Variants in ERC2 observed in about 807,000 individuals in gnomAD.
ERC2 encodes ELKS/RAB6-interacting/CAST family member 2.
In ERC2, 42 loss-of-function variants were observed where a neutral mutation model predicts 114.8. That is an observed-to-expected ratio of 0.37 (90% confidence interval 0.29 to 0.47). The LOEUF is 0.47. Ranked by LOEUF, ERC2 falls within the 20% of genes least tolerant of loss-of-function variation. The pLI is 0.99. For synonymous variants in ERC2, 454 were observed against 425.5 expected (o/e 1.07, Z -0.82); for missense variants, 939 against 1,150.7 (o/e 0.82, Z 2.66).
intron 2 of ERC2, among the ~76,000 whole-genome samples, chr3:56,381,325 G>T (rs1560712792): frequency 6.6e-6 from 1 of 152,120 alleles, no homozygotes; most frequent in Non-Finnish European, 1.5e-5. Flanking sequence ...TAGGGGATTG[G>T]TTCCAAGACC....
chr3:55,805,058 C>A (rs1051143720), intron 14 of ERC2, among the ~76,000 whole-genome samples: 1 of 151,984 alleles, frequency 6.6e-6, no homozygotes, highest in Admixed American at 6.6e-5. Context: ...TTTTTATTCT[C>A]ACTTTATAGG....
intron 3 of ERC2, among the ~76,000 whole-genome samples, chr3:56,272,949 A>G (rs2053752062): frequency 6.6e-6 from 1 of 152,236 alleles, no homozygotes; most frequent in African/African-American, 2.4e-5. Context: ...TCTCACGTAT[A>G]AAAGGGGTAA....
intron 2 of ERC2, among the ~76,000 whole-genome samples, chr3:56,300,748 C>T (rs181188752): frequency 9.8e-4 from 150 of 152,292 alleles, no homozygotes; most frequent in African/African-American, 3.2e-3. Context: ...GTAACCTGCT[C>T]CCAGTCACCC....
intron 17 of ERC2, among the ~76,000 whole-genome samples, chr3:55,557,223 G>A (rs1372072390): frequency 6.6e-6 from 1 of 152,156 alleles, no homozygotes; most frequent in Non-Finnish European, 1.5e-5. Context: ...AATTTGGGGT[G>A]GAAAGTGGCA....
chr3:56,277,683 G>A (rs182615940), intron 3 of ERC2, among the ~76,000 whole-genome samples: 37 of 149,762 alleles, frequency 2.5e-4, no homozygotes, highest in Admixed American at 5.4e-4. Flanking sequence ...CAGGATTTCC[G>A]TTCACCCATA....
chr3:55,718,466 C>T (rs1055166572), intron 15 of ERC2, among the ~76,000 whole-genome samples: 2 of 152,312 alleles, frequency 1.3e-5, no homozygotes, highest in South Asian at 2.1e-4. Flanking sequence ...CAAGATAAAA[C>T]TGTTTGGCAG....
At chr3:56,013,528 C>T (rs570790215) in intron 8 of ERC2, among the ~76,000 whole-genome samples, 24 of 152,252 alleles carry the variant, frequency 1.6e-4, no homozygotes, top group African/African-American at 4.8e-4. Context: ...AAAGTCTCAA[C>T]GAAGGACCAG....
At chr3:56,179,456 T>C (rs1485069208) in intron 3 of ERC2, among the ~76,000 whole-genome samples, 1 of 152,134 alleles carries the variant, frequency 6.6e-6, no homozygotes, top group Non-Finnish European at 1.5e-5. Flanking sequence ...CCCAATGTTG[T>C]ATTGCAGCAT....
At chr3:55,561,357 C>T (rs184790669) in intron 17 of ERC2, among the ~76,000 whole-genome samples, 42 of 152,206 alleles carry the variant, frequency 2.8e-4, no homozygotes, top group Non-Finnish European at 5.3e-4. Flanking sequence ...TGGAAGCCCA[C>T]AGAAACCCCT....
intron 17 of ERC2, among the ~76,000 whole-genome samples, chr3:55,676,446 T>TATC (rs2061817319): frequency 6.8e-6 from 1 of 147,108 alleles, no homozygotes; most frequent in Admixed American, 6.8e-5. Flanking sequence ...AGCTGCTTAT[T>TATC]ATTATTATTA....
chr3:55,733,117 CTGTGGG>C (rs1330704692), intron 15 of ERC2, among the ~76,000 whole-genome samples: 1 of 152,110 alleles, frequency 6.6e-6, no homozygotes, highest in African/African-American at 2.4e-5. Context: ...GTCTATAAAC[CTGTGGG>C]AGAAAGCTAC....
At chr3:55,616,706 A>C (rs2059134368) in intron 17 of ERC2, among the ~76,000 whole-genome samples, 1 of 151,502 alleles carries the variant, frequency 6.6e-6, no homozygotes, top group Non-Finnish European at 1.5e-5. Context: ...ACAAACTAGC[A>C]TGGTAGGGAC....
rs555104246 is a variant in ERC2, at chr3:55,703,859, A to C, written c.2713-4347T>G. Among the ~76,000 whole-genome samples, 3 of 152,332 alleles carry C rather than the reference A, an allele frequency of 2.0e-5. No individual in the cohort carries two copies. In the South Asian group the frequency reaches 6.2e-4, roughly 32 times the overall value. Reference sequence around the variant, plus strand: ...GGAGTGGCGAAGGAAGAGTATGTGCATAGCTTTGGAGCTGTTAGGCAAGTC... The same window carrying C: ...GGAGTGGCGAAGGAAGAGTATGTGCCTAGCTTTGGAGCTGTTAGGCAAGTC... On this transcript the variant is annotated intron_variant, in intron 15 of 17. Transcript: ENST00000288221.
intron 4 of ERC2, among the ~76,000 whole-genome samples, chr3:56,171,111 T>A (rs13091032): frequency 6.6e-6 from 1 of 152,112 alleles, no homozygotes; most frequent in Non-Finnish European, 1.5e-5. Context: ...CTAGATGACA[T>A]TGATGTTTAC....
chr3:55,846,238 A>T (rs1385748251), intron 14 of ERC2, among the ~76,000 whole-genome samples: 1 of 152,208 alleles, frequency 6.6e-6, no homozygotes, highest in East Asian at 1.9e-4. Context: ...ATAAATGAGA[A>T]CATATGGTAT....
intron 15 of ERC2, among the ~76,000 whole-genome samples, chr3:55,706,754 T>C (rs1029652569): frequency 2.6e-5 from 4 of 152,146 alleles, no homozygotes; most frequent in South Asian, 2.1e-4. Context: ...ACCCTAATCA[T>C]AGTTGAATAA....
chr3:56,370,199 G>T (rs575394042), intron 2 of ERC2, among the ~76,000 whole-genome samples: 1 of 152,324 alleles, frequency 6.6e-6, no homozygotes, highest in South Asian at 2.1e-4. Flanking sequence ...AATCAGAGCA[G>T]TGTTCCCAAT....
At chr3:55,529,549 C>T (rs2053543421) in intron 17 of ERC2, among the ~76,000 whole-genome samples, 1 of 152,166 alleles carries the variant, frequency 6.6e-6, no homozygotes, top group East Asian at 1.9e-4. Flanking sequence ...AGAATGTCCA[C>T]CAGGATCCTA....
At chr3:56,148,935 A>G in intron 5 of ERC2, 42 bp downstream of exon 5, 2 of 1,576,696 alleles carry the variant, frequency 1.3e-6, no homozygotes, top group Non-Finnish European at 1.7e-6. Flanking sequence ...GTAACTTTCT[A>G]GTCACATTAA....
Sources: gnomAD v4.1 joint callset for allele counts (sites outside exome capture counted in the v4.1 genomes callset) on GRCh38, gnomAD v4.1.1 for gene constraint, MANE v1.5 for transcripts, NCBI Gene and HGNC (gene_info 2026-07-23, HGNC 2026-07-21) for gene names.